Variants in USP6 observed in about 807,000 individuals in gnomAD.
USP6 encodes the protein ubiquitin specific peptidase 6, also known as ubiquitin carboxyl-terminal hydrolase 6.
Under a neutral mutation model 175.7 loss-of-function variants are expected in USP6, and 128 were observed. The ratio of observed to expected loss-of-function variants is 0.73; its 90% CI spans 0.63 to 0.84. USP6 has a LOEUF of 0.84. Among genes scored for constraint, USP6 ranks in the 40% least tolerant of loss-of-function variants. The pLI is 0.00. For missense variants in USP6, 1,498 were observed against 1,760.3 expected, an observed-to-expected ratio of 0.85 and a Z score of 2.67; for synonymous variants, 562 against 630.6, an observed-to-expected ratio of 0.89 and a Z score of 1.63.
At position 5,132,381 on chromosome 17, in the gene USP6, T is replaced by G; in HGVS notation, c.156-15T>G. 1 of 1,612,200 alleles carries G rather than the reference T, an allele frequency of 6.2e-7. No individual in the cohort carries two copies. Among genetic ancestry groups the G allele is most frequent in the Non-Finnish European group, 8.5e-7 (1 of 1,179,842 alleles). ...CCCTGTGCACGTCCTCAGCTCTGCC[T>G]GGGTTGCCTTACAGTGAGACGGAGC... On this transcript the variant is annotated splice_polypyrimidine_tract_variant and intron_variant, in intron 11 of 37. Transcript: ENST00000574788. This position sits in a 1 kb window ranked among gnomAD's most constrained non-coding sequence, Gnocchi z 4.7.
rs1597952955 is a variant in USP6 at position 5,120,802 on chromosome 17, T to C, written c.-1675+14T>C. ...TTCTTCAGCATGGTGGGTGGCCATATGTAAGCAGGTGTGCACACATGTGGG... is the reference window on the plus strand; with the variant it reads ...TTCTTCAGCATGGTGGGTGGCCATACGTAAGCAGGTGTGCACACATGTGGG... On this transcript the variant is annotated intron_variant, in intron 3 of 37. Coordinates refer to ENST00000574788, the MANE Select transcript of USP6 (RefSeq NM_001304284.2). 4 of 450,796 alleles carry C rather than the reference T, an allele frequency of 8.9e-6. No homozygotes were observed. The highest frequency in any genetic ancestry group is 1.4e-4 in the East Asian group (2 of 14,390). The allele number at this position is 450,796 out of a possible 1,614,324, so 27.9% of individuals were successfully genotyped here.
chr17:5,152,653 C>T lies in USP6; in HGVS notation c.2644-2769C>T, dbSNP rs192175019. Among the ~76,000 whole-genome samples, 735 of 152,150 alleles carry T rather than the reference C, an allele frequency of 4.8e-3. 3 individuals are homozygous for T. The highest frequency in any genetic ancestry group is 7.5e-3 in the Non-Finnish European group (513 of 68,004). On this transcript the variant is annotated intron_variant, in intron 30 of 37. Coordinates refer to ENST00000574788, the MANE Select transcript of USP6 (RefSeq NM_001304284.2). ...AAAATGAATGGATTTGTAGTTATAT[C>T]CAGTATAAATGAATCTCGTAAACCT...
In USP6 at chr17:5,174,804, C is replaced by G. The variant is rs1211828338; in HGVS notation, c.*1826C>G. On this transcript the variant is annotated 3_prime_UTR_variant, in exon 38 of 38. Transcript: ENST00000574788. The stretch of plus-strand genomic sequence containing the variant: ...TTAACTACATTCACCTTGTAAATTA[C>G]TGTATAAAACTTGTTGACAATGCAC... 3 of 196,230 alleles carry G rather than the reference C, an allele frequency of 1.5e-5. No homozygotes were observed. The highest frequency in any genetic ancestry group is 6.9e-5 in the African/African-American group (3 of 43,226). The allele number at this position is 196,230 out of a possible 1,614,324, so 12.2% of individuals were successfully genotyped here.
In USP6 at chr17:5,142,006, C is replaced by T. The variant is rs577687048; in HGVS notation, c.1577C>T (p.Pro526Leu). The change falls in exon 24 of 38, where the codon CCC becomes CTC. Residue 526 changes from proline (P) to leucine (L), a missense_variant. Coordinates refer to ENST00000574788, the MANE Select transcript of USP6 (RefSeq NM_001304284.2). The stretch of plus-strand genomic sequence containing the variant: ...GTTCTCATATTGTTTGTTCCAGTTC[C>T]CACAGAAAAGGGAGCCACAGGTCTA... ...NSSKIDRQKV[P>L]TEKGATGLSN... 82 of 1,612,092 alleles carry T rather than the reference C, an allele frequency of 5.1e-5. No individual in the cohort carries two copies. In the South Asian group the frequency reaches 6.3e-4, roughly 12 times the overall value.
At chr17:5,163,082 G>A (rs2074036920) in intron 33 of USP6, 78 bp downstream of exon 33, 1 of 1,459,662 alleles carries the variant, frequency 6.9e-7, no homozygotes, top group Non-Finnish European at 9.0e-7. Context: ...TGCCATTTCT[G>A]TTTGACAATT....
chr17:5,157,264 T>G (rs890294310), intron 31 of USP6, among the ~76,000 whole-genome samples: 53 of 151,780 alleles, frequency 3.5e-4, no homozygotes, highest in African/African-American at 1.3e-3. Context: ...TTTTGTATTT[T>G]CAGTACAGGC....
intron 1 of USP6, among the ~76,000 whole-genome samples, chr17:5,117,259 T>C (rs190402969): frequency 3.4e-4 from 51 of 152,180 alleles, no homozygotes; most frequent in Non-Finnish European, 7.1e-4. Flanking sequence ...GGCTCAAGCC[T>C]CTAATCCCAG....
At chr17:5,146,988 G>A in intron 28 of USP6, 95 bp from the exon 29 acceptor site, 4 of 1,240,696 alleles carry the variant, frequency 3.2e-6, no homozygotes, top group Non-Finnish European at 4.4e-6. Flanking sequence ...ATGGATGAAA[G>A]GACCTAAGAC....
chr17:5,144,848 G>C lies in USP6; in HGVS notation c.1977G>C (p.Trp659Cys). The C allele has an allele frequency of 7.5e-6, 12 of 1,600,322 alleles. No individual in the cohort carries two copies. The highest frequency in any genetic ancestry group is 1.0e-5 in the Non-Finnish European group (12 of 1,169,698). ...ELKDSDGRPD[W>C]EVAAEAWDNH... ...AGGACAGTGATGGCCGACCAGACTG[G>C]GAAGTAGCTGCAGAGGTTTGTCAGT... Residue 659 changes from tryptophan (W) to cysteine (C), a missense_variant, in exon 26 of 38, where the codon TGG becomes TGC. Coordinates refer to ENST00000574788, the MANE Select transcript of USP6 (RefSeq NM_001304284.2).
chr17:5,132,148 C>T lies in USP6; in HGVS notation c.156-248C>T. The stretch of plus-strand genomic sequence containing the variant: ...ATGGGCAGCCCCACTGTGGCCTGAC[C>T]ACCCCCCATGCCAGGGGCCCCAGTA... On this transcript the variant is annotated intron_variant, in intron 11 of 37. Transcript: ENST00000574788. This position sits in a 1 kb window ranked among gnomAD's most constrained non-coding sequence, Gnocchi z 4.7. 7.1e-7 allele frequency: 1 copy of T among 1,418,016 alleles called. No homozygotes were observed. Among genetic ancestry groups the T allele is most frequent in the Non-Finnish European group, 9.5e-7 (1 of 1,058,122 alleles). The allele number at this position is 1,418,016 out of a possible 1,614,324, so 87.8% of individuals were successfully genotyped here. A position where few individuals can be genotyped will look rare whatever the true frequency, so the allele number is the denominator to read the frequency against.
intron 32 of USP6, 101 bp downstream of exon 32, chr17:5,161,715 T>A (rs1052243216): frequency 4.5e-6 from 6 of 1,343,470 alleles, no homozygotes; most frequent in African/African-American, 1.5e-5. Context: ...TAGTGAATAA[T>A]GAGAAACTTA....
intron 3 of USP6, 139 bp from the exon 4 acceptor site, chr17:5,121,236 G>A: frequency 2.6e-6 from 1 of 384,566 alleles, no homozygotes; most frequent in Non-Finnish European, 5.2e-6. Context: ...TCCAACGTGG[G>A]TGCAGAGGGT....
At chr17:5,122,006 C>G (rs1367938052) in intron 4 of USP6, among the ~76,000 whole-genome samples, 2 of 151,450 alleles carry the variant, frequency 1.3e-5, no homozygotes, top group African/African-American at 4.9e-5. Flanking sequence ...GAATGAACAT[C>G]AAGATATTTT....
At chr17:5,170,974 A>G in intron 36 of USP6, 59 bp downstream of exon 36, 2 of 1,571,754 alleles carry the variant, frequency 1.3e-6, no homozygotes, top group Middle Eastern at 2.3e-4. Context: ...ACTTGTCTTC[A>G]TGTATTCATC....
chr17:5,141,647 T>A, intron 23 of USP6, 148 bp downstream of exon 23: 1 of 699,352 alleles, frequency 1.4e-6, no homozygotes, highest in Non-Finnish European at 2.2e-6. Context: ...CAGCATTTGA[T>A]GTTGGCAAAC....
chr17:5,168,381 G>A (rs896703462), intron 34 of USP6, among the ~76,000 whole-genome samples: 2 of 152,236 alleles, frequency 1.3e-5, no homozygotes, highest in African/African-American at 4.8e-5. Context: ...TCAGTGCGAT[G>A]TGAGAACTGC....
At chr17:5,142,536 T>A in intron 25 of USP6, 34 bp downstream of exon 25, 1 of 1,573,620 alleles carries the variant, frequency 6.4e-7, no homozygotes. Context: ...AAGTATTTAA[T>A]TCCTAAATAG....
At position 5,174,933 on chromosome 17, in the gene USP6, G is replaced by T. The variant is rs2074293180; in HGVS notation, c.*1955G>T. The T allele has an allele frequency of 1.0e-5, 2 of 190,584 alleles. No individual in the cohort carries two copies. The highest frequency in any genetic ancestry group is 2.2e-5 in the Non-Finnish European group (2 of 90,654). The allele number at this position is 190,584 out of a possible 1,614,324, so 11.8% of individuals were successfully genotyped here. On this transcript the variant is annotated 3_prime_UTR_variant, in exon 38 of 38. Transcript: ENST00000574788. ...AAAAGTATTGGTAATTGTATATGGG[G>T]TGTACCTGTTTATCTGTTAACTATT... is the stretch of plus-strand genomic sequence containing the variant.
At chr17:5,163,975 C>CCTAAAAA (rs1340255303) in intron 33 of USP6, among the ~76,000 whole-genome samples, 2 of 152,138 alleles carry the variant, frequency 1.3e-5, no homozygotes, top group African/African-American at 4.8e-5. Context: ...TAATTCCATA[C>CCTAAAAA]CTAAAAATGC....
Sources: allele counts gnomAD v4.1 joint callset (sites outside exome capture counted in the v4.1 genomes callset), GRCh38; gene constraint gnomAD v4.1.1; non-coding constraint Gnocchi (gnomAD v3.1); transcripts MANE v1.5; gene names NCBI Gene and HGNC (gene_info 2026-07-23, HGNC 2026-07-21).